Variants in DAP3 observed in about 807,000 individuals in gnomAD.
DAP3 encodes death associated protein 3.
Under a neutral mutation model 51.9 loss-of-function variants are expected in DAP3, and 28 were observed. The observed-to-expected ratio is 0.54, with a 90% confidence interval of 0.40 to 0.74. DAP3 has a LOEUF of 0.74. Among genes scored for constraint, DAP3 ranks in the 30% least tolerant of loss-of-function variants. The pLI, the probability that DAP3 is intolerant of heterozygous loss-of-function variation, is 0.00. For missense variants in DAP3, 458 were observed against 483.5 expected, an observed-to-expected ratio of 0.95 and a Z score of 0.49; for synonymous variants, 170 against 170.3, an observed-to-expected ratio of 1.00 and a Z score of 0.01.
chr1:155,717,465 A>G, intron 3 of DAP3, among the ~76,000 whole-genome samples: 1 of 152,164 alleles, frequency 6.6e-6, no homozygotes, highest in Non-Finnish European at 1.5e-5. Flanking sequence ...ATTATTGCTT[A>G]TATTATGTGT....
At chr1:155,692,818 C>G (rs771755977) in intron 1 of DAP3, among the ~76,000 whole-genome samples, 1 of 142,074 alleles carries the variant, frequency 7.0e-6, no homozygotes, top group Non-Finnish European at 1.5e-5. Flanking sequence ...TATACGATCT[C>G]TCATCCAAAT....
At chr1:155,688,205 G>A, upstream of DAP3, 3 of 1,613,930 alleles carry the variant, frequency 1.9e-6, no homozygotes, top group Non-Finnish European at 2.5e-6. Flanking sequence ...AAGCCGACTG[G>A]CGGAAATGCG....
intron 2 of DAP3, among the ~76,000 whole-genome samples, chr1:155,712,410 C>T (rs529410871): frequency 2.0e-4 from 31 of 152,116 alleles, no homozygotes; most frequent in Non-Finnish European, 3.2e-4. Context: ...GTCGGGAGTT[C>T]GAGACCAGCC....
intron 1 of DAP3, among the ~76,000 whole-genome samples, chr1:155,697,587 AG>A (rs1373851575): frequency 1.1e-4 from 17 of 152,246 alleles, no homozygotes; most frequent in African/African-American, 4.1e-4. Context: ...GTGTACGAAT[AG>A]GGAGTGGGTC....
intron 3 of DAP3, 55 bp downstream of exon 3, chr1:155,717,183 T>C (rs905316426): frequency 2.5e-6 from 4 of 1,583,352 alleles, no homozygotes; most frequent in Middle Eastern, 3.4e-4. Context: ...TGTGTTCCTG[T>C]CCTCATTTTG....
At chr1:155,727,787 C>A (rs1446799571) in intron 7 of DAP3, 49 bp downstream of exon 7, 3 of 1,593,982 alleles carry the variant, frequency 1.9e-6, no homozygotes, top group African/African-American at 1.3e-5. Context: ...TACATGGATT[C>A]TTTGTGCCCT....
chr1:155,727,517 T>A, intron 6 of DAP3, 91 bp from the exon 7 acceptor site: 1 of 1,387,852 alleles, frequency 7.2e-7, no homozygotes, highest in Non-Finnish European at 9.6e-7. Context: ...GAAACTAAAG[T>A]CATTTCCCAT....
At chr1:155,729,431 G>A in intron 9 of DAP3, 65 bp downstream of exon 9, 1 of 1,579,256 alleles carries the variant, frequency 6.3e-7, no homozygotes, top group Non-Finnish European at 8.6e-7. Context: ...TGGAGGCTGG[G>A]TCTTAGCCTT....
At chr1:155,696,127 A>G (rs186260519) in intron 1 of DAP3, among the ~76,000 whole-genome samples, 9 of 152,346 alleles carry the variant, frequency 5.9e-5, no homozygotes, top group Admixed American at 3.9e-4. Context: ...TCTGATCTAC[A>G]TAGACTGTAA....
At chr1:155,721,481 G>T in intron 3 of DAP3, 36 bp from the exon 4 acceptor site, 1 of 1,603,648 alleles carries the variant, frequency 6.2e-7, no homozygotes, top group Middle Eastern at 1.7e-4. Flanking sequence ...TGGTCACTTT[G>T]TCACCATTAT....
chr1:155,723,900 G>A (rs1390164945), intron 4 of DAP3, among the ~76,000 whole-genome samples: 6 of 152,156 alleles, frequency 3.9e-5, no homozygotes, highest in East Asian at 1.9e-4. Flanking sequence ...TTAGCTGGGC[G>A]TGGTGGCACA....
At chr1:155,688,807 C>T, upstream of DAP3, 8 of 1,557,390 alleles carry the variant, frequency 5.1e-6, no homozygotes, top group Non-Finnish European at 5.2e-6. Context: ...ACAGTCCCCA[C>T]CGCGGGACTG....
chr1:155,721,441 C>T (rs1014445422), intron 3 of DAP3, 76 bp from the exon 4 acceptor site: 2 of 1,178,034 alleles, frequency 1.7e-6, no homozygotes, highest in African/African-American at 1.5e-5. Context: ...CATATATACA[C>T]ACACATAGAT....
intron 11 of DAP3, chr1:155,736,564 G>A (rs549675919): frequency 7.8e-6 from 2 of 255,860 alleles, no homozygotes; most frequent in East Asian, 1.2e-4. Flanking sequence ...CTAGAGGCAC[G>A]CAGCACCACT....
chr1:155,718,767 T>G (rs1164764456), intron 3 of DAP3, among the ~76,000 whole-genome samples: 6 of 150,666 alleles, frequency 4.0e-5, no homozygotes, highest in Non-Finnish European at 4.4e-5. Context: ...TAGATGAAGA[T>G]ATATATATAT....
At chr1:155,689,870 C>T (rs1571398451) in intron 1 of DAP3, among the ~76,000 whole-genome samples, 1 of 152,072 alleles carries the variant, frequency 6.6e-6, no homozygotes, top group South Asian at 2.1e-4. Context: ...CGAGATCGCG[C>T]CACTGCACTC....
chr1:155,702,540 C>T (rs1655440151), intron 1 of DAP3, among the ~76,000 whole-genome samples: 2 of 152,050 alleles, frequency 1.3e-5, no homozygotes, highest in East Asian at 3.8e-4. Context: ...ATGAGTACGT[C>T]TATGATCTAT....
chr1:155,701,701 AAAAG>A (rs1655305893), intron 1 of DAP3, among the ~76,000 whole-genome samples: 1 of 151,506 alleles, frequency 6.6e-6, no homozygotes, highest in African/African-American at 2.4e-5. Flanking sequence ...AAAAAAAAAA[AAAAG>A]AAAATGATCA....
chr1:155,711,214 C>T (rs903364156), intron 2 of DAP3, among the ~76,000 whole-genome samples: 17 of 152,178 alleles, frequency 1.1e-4, no homozygotes, highest in Non-Finnish European at 1.9e-4. Context: ...CTCTCTCGGC[C>T]GGGCACAGTA....
Sources: allele counts gnomAD v4.1 joint callset (sites outside exome capture counted in the v4.1 genomes callset), GRCh38; gene constraint gnomAD v4.1.1; transcripts MANE v1.5; gene names NCBI Gene and HGNC (gene_info 2026-07-23, HGNC 2026-07-21).